Variants in KSR2 observed in about 807,000 individuals in gnomAD.
KSR2 encodes the protein kinase suppressor of ras 2.
Under a neutral mutation model 107.8 loss-of-function variants are expected in KSR2, and 25 were observed. That is an observed-to-expected ratio of 0.23 (90% CI 0.17 to 0.32). The LOEUF is 0.32. Among genes scored for constraint, KSR2 ranks in the 10% least tolerant of loss-of-function variants. KSR2 has a pLI of 1.00. For missense variants in KSR2, 887 were observed against 1,268.9 expected, an observed-to-expected ratio of 0.70 and a Z score of 4.57; for synonymous variants, 480 against 507.0, an observed-to-expected ratio of 0.95 and a Z score of 0.71.
At chr12:117,541,740 T>G (rs975587562) in intron 9 of KSR2, among the ~76,000 whole-genome samples, 1 of 152,098 alleles carries the variant, frequency 6.6e-6, no homozygotes, top group Non-Finnish European at 1.5e-5. Flanking sequence ...AGAGGGGAAA[T>G]GGACATTCTC....
At chr12:117,843,590 C>T (rs1401398743) in intron 3 of KSR2, among the ~76,000 whole-genome samples, 5 of 152,232 alleles carry the variant, frequency 3.3e-5, no homozygotes, top group Non-Finnish European at 5.9e-5. Flanking sequence ...CCATCATGCC[C>T]TGAAGAGTAA....
Position 117,737,992 on chromosome 12 carries a change from C to T in KSR2, c.986+23019G>A, listed in dbSNP as rs888983557. 6.6e-5 allele frequency among the ~76,000 whole-genome samples: 10 copies of T among 152,130 alleles called. 1 individual carries two copies. Among genetic ancestry groups the T allele is most frequent in the Non-Finnish European group, 1.5e-4 (10 of 68,034 alleles). On this transcript the variant is annotated intron_variant, in intron 4 of 19. Transcript: ENST00000339824. The stretch of plus-strand genomic sequence containing the variant: ...GAGTCCCAAGGTGTGCAAGTCACTG[C>T]CCTCAAGAATTGCTCCACAGGGACA...
intron 1 of KSR2, among the ~76,000 whole-genome samples, chr12:117,894,957 C>T (rs1293247848): frequency 1.3e-5 from 2 of 151,924 alleles, no homozygotes; most frequent in South Asian, 2.1e-4. Flanking sequence ...TCCCGGGCTT[C>T]GTGGAGCTAT....
intron 6 of KSR2, 54 bp downstream of exon 6, chr12:117,582,236 C>A (rs909939831): frequency 1.3e-6 from 2 of 1,492,552 alleles, no homozygotes; most frequent in East Asian, 2.3e-5. Flanking sequence ...CCAGAGCCCC[C>A]ACCCCTCACA....
intron 4 of KSR2, among the ~76,000 whole-genome samples, chr12:117,697,514 G>A (rs554974439): frequency 2.6e-5 from 4 of 152,246 alleles, no homozygotes; most frequent in Middle Eastern, 3.4e-3. Flanking sequence ...AGGCCAAGGC[G>A]GGCAGATCAC....
intron 4 of KSR2, among the ~76,000 whole-genome samples, chr12:117,721,777 G>A (rs1309436362): frequency 6.6e-6 from 1 of 152,222 alleles, no homozygotes; most frequent in Non-Finnish European, 1.5e-5. Flanking sequence ...GATGTCTGCT[G>A]AAATTATGCA....
intron 10 of KSR2, among the ~76,000 whole-genome samples, chr12:117,532,876 T>C (rs1875759876): frequency 6.6e-6 from 1 of 150,878 alleles, no homozygotes. Flanking sequence ...GAATCCACTT[T>C]CAGAAACAAT....
At chr12:117,509,722 GA>G (rs1873913854) in intron 14 of KSR2, among the ~76,000 whole-genome samples, 1 of 152,186 alleles carries the variant, frequency 6.6e-6, no homozygotes, top group African/African-American at 2.4e-5. Context: ...AACAGCCTTG[GA>G]GGGACTGGTC....
At chr12:117,817,724 C>T (rs1891421769) in intron 3 of KSR2, among the ~76,000 whole-genome samples, 1 of 152,312 alleles carries the variant, frequency 6.6e-6, no homozygotes, top group East Asian at 1.9e-4. Flanking sequence ...CTGAATTATA[C>T]CTCAGGAGGC....
At chr12:117,577,369 G>T (rs575238706) in intron 7 of KSR2, among the ~76,000 whole-genome samples, 1 of 103,506 alleles carries the variant, frequency 9.7e-6, no homozygotes, top group Non-Finnish European at 1.8e-5. Context: ...GAGAGAGAGG[G>T]GGGGAGAGAT....
intron 3 of KSR2, among the ~76,000 whole-genome samples, chr12:117,776,995 C>T (rs1321393602): frequency 2.0e-5 from 3 of 150,924 alleles, no homozygotes; most frequent in Non-Finnish European, 4.4e-5. Context: ...TAGGTTCCTG[C>T]GAGCCTCTGG....
chr12:117,651,182 A>G (rs1334005963), intron 5 of KSR2, among the ~76,000 whole-genome samples: 2 of 152,178 alleles, frequency 1.3e-5, no homozygotes, highest in Non-Finnish European at 2.9e-5. Context: ...TGCTGCCATC[A>G]GCCTTTCCAC....
Position 117,714,149 on chromosome 12 carries a change from T to G in KSR2, c.987-46491A>C, listed in dbSNP as rs116251070. Among the ~76,000 whole-genome samples, 353 of 152,286 alleles carry G rather than the reference T, an allele frequency of 2.3e-3. 1 individual carries two copies. Among genetic ancestry groups the G allele is most frequent in the African/African-American group, 8.3e-3 (345 of 41,556 alleles). On this transcript the variant is annotated intron_variant, in intron 4 of 19. Coordinates refer to ENST00000339824, the MANE Select transcript of KSR2 (RefSeq NM_173598.6). ...AATGCCTGTCACTGTTCCAGGAGGA[T>G]GAGCCGATTTAAGGTTCAAATCTTA...
At chr12:117,888,213 G>C (rs1255631693) in intron 1 of KSR2, among the ~76,000 whole-genome samples, 1 of 152,076 alleles carries the variant, frequency 6.6e-6, no homozygotes, top group Non-Finnish European at 1.5e-5. Flanking sequence ...CCATTCTCTT[G>C]GAGGCCAGAT....
At chr12:117,594,264 A>T (rs1173374046) in intron 5 of KSR2, among the ~76,000 whole-genome samples, 1 of 152,210 alleles carries the variant, frequency 6.6e-6, no homozygotes, top group Non-Finnish European at 1.5e-5. Flanking sequence ...GCTCGGGGAC[A>T]GACCAGACAA....
At position 117,942,835 on chromosome 12, in the gene KSR2, A is replaced by G. The variant is rs147756458; in HGVS notation, c.180+25241T>C. Among the ~76,000 whole-genome samples the G allele has an allele frequency of 6.0e-3, 908 of 152,244 alleles. 11 individuals carry two copies. The highest frequency in any genetic ancestry group is 0.02 in the African/African-American group (835 of 41,550). ...AAAGAAACAAATAAGAGTGCTTTAC[A>G]AAGATTCCATTTCAAAAATATTTAT... On this transcript the variant is annotated intron_variant, in intron 1 of 19. Coordinates refer to ENST00000339824, the MANE Select transcript of KSR2 (RefSeq NM_173598.6).
At chr12:117,623,510 G>T (rs1240624977) in intron 5 of KSR2, among the ~76,000 whole-genome samples, 1 of 152,124 alleles carries the variant, frequency 6.6e-6, no homozygotes, top group Non-Finnish European at 1.5e-5. Context: ...CTAGTTTGCT[G>T]AGAATGATGG....
chr12:117,625,265 A>T (rs1243277124), intron 5 of KSR2, among the ~76,000 whole-genome samples: 1 of 152,192 alleles, frequency 6.6e-6, no homozygotes, highest in African/African-American at 2.4e-5. Flanking sequence ...GAGAGAGGGC[A>T]TCCCTGACTT....
In KSR2 at chr12:117,968,305, A is replaced by AC. The variant is rs753312227; in HGVS notation, c.-51_-50insG. 1 of 1,110,342 alleles carries AC rather than the reference A, an allele frequency of 9.0e-7. No homozygotes were observed. 68.8% of individuals were successfully genotyped at this position (1,110,342 alleles called of 1,614,324 possible). On this transcript the variant is annotated 5_prime_UTR_variant, in exon 1 of 20. Coordinates refer to ENST00000339824, the MANE Select transcript of KSR2 (RefSeq NM_173598.6). ...CTCCTCCTCCTCCCAGAGAGAAAAA[A>AC]GAGGGGGGGGAGTAGAGGTAGTCTA...
Sources: gnomAD v4.1 joint callset for allele counts (sites outside exome capture counted in the v4.1 genomes callset) on GRCh38, gnomAD v4.1.1 for gene constraint, MANE v1.5 for transcripts, NCBI Gene and HGNC (gene_info 2026-07-23, HGNC 2026-07-21) for gene names.